GAB1: variants seen among roughly 807,000 people sequenced by gnomAD.
The protein encoded by GAB1 is GRB2-associated-binding protein 1.
GAB1 carries 19 observed loss-of-function variants against 66.5 expected under a neutral mutation model. That is an observed-to-expected ratio of 0.29 (90% CI 0.20 to 0.42). The LOEUF (loss-of-function observed/expected upper bound fraction) is 0.42. GAB1 is among the 10% of genes least tolerant of loss of function. The pLI is 1.00. For synonymous variants in GAB1, 294 were observed against 301.4 expected, an observed-to-expected ratio of 0.98 and a Z score of 0.25; for missense variants, 732 against 858.5, an observed-to-expected ratio of 0.85 and a Z score of 1.84.
chr4:143,380,387 G>A (rs1446806839), intron 1 of GAB1, among the ~76,000 whole-genome samples: 5 of 152,090 alleles, frequency 3.3e-5, no homozygotes, highest in Admixed American at 2.0e-4. Flanking sequence ...AGAAAGTTTG[G>A]ACATATATAA....
intron 6 of GAB1, among the ~76,000 whole-genome samples, chr4:143,456,590 G>A (rs1262247682): frequency 6.6e-6 from 1 of 152,100 alleles, no homozygotes; most frequent in African/African-American, 2.4e-5. Flanking sequence ...TTAAACTCAG[G>A]CTGCCTCATT....
chr4:143,369,220 T>C (rs1447188241), intron 1 of GAB1, among the ~76,000 whole-genome samples: 1 of 152,054 alleles, frequency 6.6e-6, no homozygotes, highest in Non-Finnish European at 1.5e-5. Context: ...GGATTACAGT[T>C]ATGAGCCACC....
chr4:143,407,656 T>G (rs1209842067), intron 1 of GAB1, among the ~76,000 whole-genome samples: 3 of 152,172 alleles, frequency 2.0e-5, no homozygotes, highest in Admixed American at 6.6e-5. Flanking sequence ...ACAGGAAATT[T>G]TAGGCTTCTG....
At chr4:143,401,693 T>A (rs1188804251) in intron 1 of GAB1, among the ~76,000 whole-genome samples, 1 of 152,168 alleles carries the variant, frequency 6.6e-6, no homozygotes, top group Non-Finnish European at 1.5e-5. Context: ...TAAACCTGCC[T>A]CAGAAGGTTG....
At chr4:143,445,843 G>A (rs939585211) in intron 6 of GAB1, among the ~76,000 whole-genome samples, 14 of 152,194 alleles carry the variant, frequency 9.2e-5, no homozygotes, top group African/African-American at 2.6e-4. Context: ...TGCACAATGT[G>A]CAGGTTAGTT....
chr4:143,378,884 C>G (rs1013576440), intron 1 of GAB1, among the ~76,000 whole-genome samples: 2 of 152,138 alleles, frequency 1.3e-5, no homozygotes, highest in Non-Finnish European at 2.9e-5. Flanking sequence ...CATTCATTTG[C>G]TCAAGGTCTC....
At chr4:143,453,648 C>G (rs2149783091) in intron 6 of GAB1, among the ~76,000 whole-genome samples, 1 of 152,218 alleles carries the variant, frequency 6.6e-6, no homozygotes, top group Non-Finnish European at 1.5e-5. Context: ...GTTGAGAGAA[C>G]TTACTGTATA....
At chr4:143,427,520 C>G (rs1733428111) in intron 2 of GAB1, among the ~76,000 whole-genome samples, 1 of 151,820 alleles carries the variant, frequency 6.6e-6, no homozygotes, top group African/African-American at 2.4e-5. Flanking sequence ...GAGAGGGAGG[C>G]CAAAGCCTGA....
chr4:143,353,387 TG>T (rs1729307578), intron 1 of GAB1, among the ~76,000 whole-genome samples: 1 of 152,216 alleles, frequency 6.6e-6, no homozygotes, highest in East Asian at 1.9e-4. Flanking sequence ...GTGTGTTAAA[TG>T]TATGTTTTCT....
At chr4:143,460,606 A>G in intron 8 of GAB1, 119 bp downstream of exon 8, 1 of 874,702 alleles carries the variant, frequency 1.1e-6, no homozygotes. Flanking sequence ...AAGCAGTAAA[A>G]GACAACTTTT....
intron 1 of GAB1, among the ~76,000 whole-genome samples, chr4:143,378,089 ACT>A (rs1258106183): frequency 6.6e-6 from 1 of 152,248 alleles, no homozygotes; most frequent in Admixed American, 6.5e-5. Context: ...GTATAAAAAC[ACT>A]GTTTAATAAT....
chr4:143,451,745 C>G (rs1734940447), intron 6 of GAB1, among the ~76,000 whole-genome samples: 1 of 152,072 alleles, frequency 6.6e-6, no homozygotes. Flanking sequence ...GAAGGCATAG[C>G]AAAAGTCCCC....
At chr4:143,376,101 G>A (rs989298940) in intron 1 of GAB1, among the ~76,000 whole-genome samples, 5 of 151,546 alleles carry the variant, frequency 3.3e-5, no homozygotes, top group Non-Finnish European at 7.4e-5. Flanking sequence ...ACCAGCGCCA[G>A]CACCCCTCCC....
chr4:143,379,237 A>G (rs991306363), intron 1 of GAB1, among the ~76,000 whole-genome samples: 7 of 152,228 alleles, frequency 4.6e-5, no homozygotes, highest in Non-Finnish European at 1.0e-4. Context: ...TCAAATGTAT[A>G]AAATTCAGGA....
chr4:143,403,990 C>T (rs539631902), intron 1 of GAB1, among the ~76,000 whole-genome samples: 2 of 152,152 alleles, frequency 1.3e-5, no homozygotes, highest in Non-Finnish European at 2.9e-5. Flanking sequence ...ATTTGTAACA[C>T]TTCAGTGCTT....
Position 143,428,860 on chromosome 4 carries a change from AG to A in GAB1, c.368-4625del, listed in dbSNP as rs1182056287. Among the ~76,000 whole-genome samples, 9 of 83,664 alleles carry A rather than the reference AG, an allele frequency of 1.1e-4. No homozygotes were observed. In the East Asian group the frequency reaches 2.4e-3, roughly 23 times the overall value. The allele number at this position is 83,664 out of a possible 152,430, so 54.9% of individuals were successfully genotyped here. A position where few individuals can be genotyped will look rare whatever the true frequency, so the allele number is the denominator to read the frequency against. ...CCAGGGCCTGTTGTGGGGTGGGGGGAGGGGGGAGGGATAGCATTAGGAGATA... is the reference window on the plus strand; with the variant it reads ...CCAGGGCCTGTTGTGGGGTGGGGGGAGGGGGAGGGATAGCATTAGGAGATA... On this transcript the variant is annotated intron_variant, in intron 2 of 9. Transcript: ENST00000262994.
At chr4:143,468,307 C>T (rs867263406) in intron 9 of GAB1, among the ~76,000 whole-genome samples, 15 of 149,888 alleles carry the variant, frequency 1.0e-4, no homozygotes, top group African/African-American at 2.9e-4. Context: ...CTCTGCCACC[C>T]GGGTTCAAGC....
chr4:143,433,807 G>A (rs1315940403), intron 3 of GAB1, 91 bp downstream of exon 3: 6 of 1,049,472 alleles, frequency 5.7e-6, no homozygotes, highest in East Asian at 5.0e-5. Flanking sequence ...TTTAAATTTC[G>A]ATTTGCAGGC....
chr4:143,382,455 G>C (rs1560730835), intron 1 of GAB1, among the ~76,000 whole-genome samples: 1 of 152,084 alleles, frequency 6.6e-6, no homozygotes, highest in South Asian at 2.1e-4. Context: ...TTTCTGCTTT[G>C]CTTTTGTATT....
Sources: allele counts gnomAD v4.1 joint callset (sites outside exome capture counted in the v4.1 genomes callset), GRCh38; gene constraint gnomAD v4.1.1; transcripts MANE v1.5; gene names NCBI Gene and HGNC (gene_info 2026-07-23, HGNC 2026-07-21).